The following MCC variants were observed in gnomAD, a reference collection of about 807,000 sequenced individuals.
MCC encodes the protein colorectal mutant cancer protein.
In MCC, 90 loss-of-function variants were observed where a neutral mutation model predicts 116.2. The observed-to-expected ratio is 0.77, with a 90% CI of 0.65 to 0.92. The LOEUF is 0.92. MCC is among the 40% of genes least tolerant of loss of function. The pLI is 0.00. For synonymous variants in MCC, 578 were observed against 510.5 expected (o/e 1.13, Z -1.78); for missense variants, 1,516 against 1,312.2 (o/e 1.16, Z -2.40).
chr5:113,069,919 G>C (rs1753917421), intron 12 of MCC, among the ~76,000 whole-genome samples: 1 of 152,240 alleles, frequency 6.6e-6, no homozygotes, highest in African/African-American at 2.4e-5. Context: ...CCTTTACTAA[G>C]AGTTAAGACA....
At chr5:113,218,695 G>A (rs187828581) in intron 3 of MCC, among the ~76,000 whole-genome samples, 2 of 152,160 alleles carry the variant, frequency 1.3e-5, no homozygotes, top group Non-Finnish European at 2.9e-5. Context: ...ACAGATTTTA[G>A]AATATAAATA....
chr5:113,244,345 C>A lies in MCC; in HGVS notation c.628-92923G>T, dbSNP rs1401883576. On this transcript the variant is annotated intron_variant, in intron 3 of 18. Transcript: ENST00000408903. Reference sequence around the variant, plus strand: ...AAGTAGGTTTACAACTTAAAGCCTACAGGGACAAATATATTTTGATCTTCC... The same window carrying A: ...AAGTAGGTTTACAACTTAAAGCCTAAAGGGACAAATATATTTTGATCTTCC... Among the ~76,000 whole-genome samples the A allele has an allele frequency of 2.6e-5, 4 of 152,262 alleles. No individual in the cohort carries two copies. The South Asian group carries it at 8.3e-4, about 32-fold the overall frequency.
chr5:113,483,268 A>G (rs1772426240), intron 1 of MCC, among the ~76,000 whole-genome samples: 1 of 152,178 alleles, frequency 6.6e-6, no homozygotes, highest in African/African-American at 2.4e-5. Flanking sequence ...AAGTTTCCTC[A>G]TGAATTTTAA....
At chr5:113,305,161 A>G (rs1332047367) in intron 3 of MCC, among the ~76,000 whole-genome samples, 1 of 152,192 alleles carries the variant, frequency 6.6e-6, no homozygotes, top group African/African-American at 2.4e-5. Flanking sequence ...TGAAGTGCCC[A>G]TGGATGGACT....
intron 13 of MCC, 91 bp from the exon 14 acceptor site, chr5:113,064,258 G>C (rs1223057401): frequency 8.4e-7 from 1 of 1,186,080 alleles, no homozygotes; most frequent in Non-Finnish European, 1.2e-6. Context: ...CTGTTACTTA[G>C]GGCAGAGGTG....
intron 3 of MCC, among the ~76,000 whole-genome samples, chr5:113,327,556 AAAAAAATATATATATAT>A (rs1185347191): frequency 4.7e-5 from 5 of 106,228 alleles, no homozygotes; most frequent in Non-Finnish European, 9.7e-5. Flanking sequence ...AAAAAAAAAA[AAAAAAATATATATATAT>A]ATATATATAT....
At chr5:113,320,203 T>A (rs1482067302) in intron 3 of MCC, among the ~76,000 whole-genome samples, 1 of 152,212 alleles carries the variant, frequency 6.6e-6, no homozygotes, top group East Asian at 1.9e-4. Context: ...TTATAGCATG[T>A]ACTCTGTCTG....
intron 3 of MCC, among the ~76,000 whole-genome samples, chr5:113,274,100 G>A (rs1044895655): frequency 6.6e-6 from 1 of 152,242 alleles, no homozygotes; most frequent in African/African-American, 2.4e-5. Context: ...ACCTCCAGAA[G>A]CTCATCAAGA....
intron 3 of MCC, among the ~76,000 whole-genome samples, chr5:113,284,951 A>G (rs1366536866): frequency 6.6e-6 from 1 of 152,230 alleles, no homozygotes; most frequent in African/African-American, 2.4e-5. Flanking sequence ...AAACCCACCT[A>G]TATTATACAA....
At chr5:113,474,712 A>C (rs768663026) in intron 1 of MCC, among the ~76,000 whole-genome samples, 49 of 152,198 alleles carry the variant, frequency 3.2e-4, no homozygotes, top group Non-Finnish European at 2.9e-4. Context: ...TTAGAGATGA[A>C]GTAGCTTAGG....
At chr5:113,304,664 T>C (rs1179354645) in intron 3 of MCC, among the ~76,000 whole-genome samples, 1 of 152,110 alleles carries the variant, frequency 6.6e-6, no homozygotes, top group Non-Finnish European at 1.5e-5. Flanking sequence ...CTTTCAAAAA[T>C]TTTTGCTCAT....
intron 1 of MCC, among the ~76,000 whole-genome samples, chr5:113,480,577 T>C (rs1772352874): frequency 6.6e-6 from 1 of 152,176 alleles, no homozygotes; most frequent in Non-Finnish European, 1.5e-5. Flanking sequence ...CTGAGAAACT[T>C]CCATCAACGT....
chr5:113,453,982 T>C (rs1771472323), intron 1 of MCC, among the ~76,000 whole-genome samples: 1 of 151,968 alleles, frequency 6.6e-6, no homozygotes, highest in Non-Finnish European at 1.5e-5. Flanking sequence ...TGATGGCACA[T>C]GATTGTAATC....
intron 1 of MCC, among the ~76,000 whole-genome samples, chr5:113,475,201 T>A (rs1487647088): frequency 1.3e-5 from 2 of 152,240 alleles, no homozygotes; most frequent in African/African-American, 4.8e-5. Context: ...ACATTAAGTA[T>A]AAATGCTCTT....
chr5:113,375,568 C>G (rs1005380433), intron 2 of MCC, among the ~76,000 whole-genome samples: 11 of 152,152 alleles, frequency 7.2e-5, no homozygotes, highest in Non-Finnish European at 7.3e-5. Context: ...CTTGTCCCAT[C>G]TGGGGTCACT....
chr5:113,382,317 C>T (rs138179306), intron 2 of MCC, among the ~76,000 whole-genome samples: 160 of 149,806 alleles, frequency 1.1e-3, no homozygotes, highest in African/African-American at 3.7e-3. Flanking sequence ...ATCACCCCGG[C>T]TGGAGTGCAG....
At chr5:113,046,438 C>A (rs373846268) in intron 16 of MCC, among the ~76,000 whole-genome samples, 1 of 151,900 alleles carries the variant, frequency 6.6e-6, no homozygotes, top group Non-Finnish European at 1.5e-5. Context: ...GTGATCCACC[C>A]GCCTCGGGTT....
In MCC at chr5:113,257,364, A is replaced by T. The variant is rs1025843865; in HGVS notation, c.627+83155T>A. Among the ~76,000 whole-genome samples the T allele has an allele frequency of 2.6e-5, 4 of 152,168 alleles. No homozygotes were observed. The East Asian group carries it at 7.7e-4, about 29-fold the overall frequency. On this transcript the variant is annotated intron_variant, in intron 3 of 18. Transcript: ENST00000408903. ...AGAGGTCAAAGGGAGAACTCCAAGG[A>T]ACCCAGGAATAATGGGGCAGACGGA...
At chr5:113,444,838 A>G (rs1238829735) in intron 1 of MCC, among the ~76,000 whole-genome samples, 1 of 152,210 alleles carries the variant, frequency 6.6e-6, no homozygotes, top group Middle Eastern at 3.2e-3. Context: ...TAACAACAAC[A>G]ACAATAGTAA....
Sources: allele counts gnomAD v4.1 joint callset (sites outside exome capture counted in the v4.1 genomes callset), GRCh38; gene constraint gnomAD v4.1.1; transcripts MANE v1.5; gene names NCBI Gene and HGNC (gene_info 2026-07-23, HGNC 2026-07-21).